Variants in KLHL29 observed in about 807,000 individuals in gnomAD.
KLHL29 encodes kelch-like protein 29.
KLHL29 carries 21 observed loss-of-function variants against 80.4 expected under a neutral mutation model. That is an observed-to-expected ratio of 0.26 (90% CI 0.19 to 0.38). The LOEUF (loss-of-function observed/expected upper bound fraction) is 0.38. Among genes scored for constraint, KLHL29 ranks in the 10% least tolerant of loss-of-function variants. KLHL29 has a pLI of 1.00. For synonymous variants in KLHL29, 511 were observed against 526.8 expected, an observed-to-expected ratio of 0.97 and a Z score of 0.41; for missense variants, 867 against 1,223.9, an observed-to-expected ratio of 0.71 and a Z score of 4.35.
chr2:23,520,998 C>CG (rs201296954), intron 2 of KLHL29, among the ~76,000 whole-genome samples: 25 of 151,606 alleles, frequency 1.6e-4, no homozygotes, highest in African/African-American at 3.7e-4. Context: ...GACCACCCCC[C>CG]CCCCCGCTCC....
intron 1 of KLHL29, among the ~76,000 whole-genome samples, chr2:23,408,437 C>T (rs539101955): frequency 1.3e-5 from 2 of 152,090 alleles, no homozygotes; most frequent in Admixed American, 6.5e-5. Context: ...CTTGCTCTCT[C>T]TGTGTTTATT....
chr2:23,659,010 C>T (rs750934907), intron 5 of KLHL29, among the ~76,000 whole-genome samples: 1 of 152,218 alleles, frequency 6.6e-6, no homozygotes, highest in Non-Finnish European at 1.5e-5. Context: ...CACCCAGCAT[C>T]TTGATGGTCT....
At chr2:23,549,177 C>T (rs905633809) in intron 2 of KLHL29, among the ~76,000 whole-genome samples, 10 of 152,210 alleles carry the variant, frequency 6.6e-5, no homozygotes, top group African/African-American at 2.4e-4. Flanking sequence ...AGGACCCCAG[C>T]GGGGTGTGGT....
intron 1 of KLHL29, among the ~76,000 whole-genome samples, chr2:23,414,750 G>A (rs921823772): frequency 2.0e-5 from 3 of 152,168 alleles, no homozygotes; most frequent in Non-Finnish European, 2.9e-5. Flanking sequence ...GATCCTTGCC[G>A]GTCTCAGACT....
chr2:23,469,832 C>T (rs927832416), intron 1 of KLHL29, among the ~76,000 whole-genome samples: 46 of 151,962 alleles, frequency 3.0e-4, no homozygotes, highest in Non-Finnish European at 6.6e-4. Context: ...CCAGTTGGCA[C>T]CTTTGGCTTC....
At chr2:23,558,402 A>G (rs1185394639) in intron 2 of KLHL29, among the ~76,000 whole-genome samples, 1 of 72,318 alleles carries the variant, frequency 1.4e-5, no homozygotes, top group Non-Finnish European at 2.8e-5. Context: ...ACTGTAAGAC[A>G]TTTTCTCTTT....
chr2:23,620,768 AGG>A (rs1669157413), intron 3 of KLHL29, among the ~76,000 whole-genome samples: 1 of 152,184 alleles, frequency 6.6e-6, no homozygotes, highest in Non-Finnish European at 1.5e-5. Context: ...GAGGTGGGAG[AGG>A]GAGGCAGGAG....
chr2:23,679,650 G>A (rs1302771955), intron 5 of KLHL29, among the ~76,000 whole-genome samples: 2 of 143,514 alleles, frequency 1.4e-5, no homozygotes, highest in African/African-American at 2.5e-5. Context: ...GCTGAGTGTC[G>A]AAGATAAAAA....
intron 2 of KLHL29, among the ~76,000 whole-genome samples, chr2:23,524,765 TTCATGGTGAGCAGAA>T (rs1666246727): frequency 6.6e-6 from 1 of 152,214 alleles, no homozygotes; most frequent in African/African-American, 2.4e-5. Flanking sequence ...TCTGAAGGAC[TTCATGGTGAGCAGAA>T]CACATTTGGT....
At chr2:23,407,199 GAA>G (rs1225943610) in intron 1 of KLHL29, among the ~76,000 whole-genome samples, 9 of 152,184 alleles carry the variant, frequency 5.9e-5, no homozygotes, top group Non-Finnish European at 1.3e-4. Flanking sequence ...AAATACTGAT[GAA>G]CAAATCTGTG....
chr2:23,626,853 G>C (rs1669322507), intron 3 of KLHL29, among the ~76,000 whole-genome samples: 1 of 152,208 alleles, frequency 6.6e-6, no homozygotes, highest in South Asian at 2.1e-4. Flanking sequence ...CTTGGCCTAG[G>C]CAGTCTGGGT....
At chr2:23,489,670 A>G (rs971252858) in intron 2 of KLHL29, among the ~76,000 whole-genome samples, 2 of 151,802 alleles carry the variant, frequency 1.3e-5, no homozygotes, top group Admixed American at 1.3e-4. Context: ...GGTGGTGGCA[A>G]GGCCCTTCCT....
chr2:23,488,914 G>A (rs1329518314), intron 2 of KLHL29, among the ~76,000 whole-genome samples: 2 of 152,224 alleles, frequency 1.3e-5, no homozygotes, highest in Non-Finnish European at 2.9e-5. Context: ...TCTGTATTAA[G>A]GGTCTTGCTT....
At chr2:23,436,280 TTGTGTGTG>T (rs57931176) in intron 1 of KLHL29, among the ~76,000 whole-genome samples, 15,661 of 136,932 alleles carry the variant, frequency 0.11, 855 homozygotes, top group Non-Finnish European at 0.12. Context: ...CCAATCAGCT[TTGTGTGTG>T]TGTGTGTGTG....
At chr2:23,638,560 C>A (rs1283271510) in intron 3 of KLHL29, among the ~76,000 whole-genome samples, 1 of 152,220 alleles carries the variant, frequency 6.6e-6, no homozygotes, top group Admixed American at 6.5e-5. Flanking sequence ...CAGCTCCCCA[C>A]TTCCCCACAC....
Position 23,680,743 on chromosome 2 carries a change from G to C in KLHL29, c.941-3656G>C, listed in dbSNP as rs191913464. 2.7e-4 allele frequency among the ~76,000 whole-genome samples: 38 copies of C among 142,586 alleles called. No individual in the cohort carries two copies. The highest frequency in any genetic ancestry group is 3.6e-3 in the Middle Eastern group (1 of 274). The allele number at this position is 142,586 out of a possible 152,430, so 93.5% of individuals were successfully genotyped here. ...GGTCTCTAGGCCATCTTCCCCTGGG[G>C]TCTCTAGGCCATCTTCTCCTGGGGT... On this transcript the variant is annotated intron_variant, in intron 5 of 13. Transcript: ENST00000486442. The surrounding 1 kb of genome is among the most constrained non-coding windows in gnomAD (Gnocchi z 4.1).
At chr2:23,627,671 G>A (rs535230796) in intron 3 of KLHL29, among the ~76,000 whole-genome samples, 8 of 152,158 alleles carry the variant, frequency 5.3e-5, no homozygotes, top group South Asian at 2.1e-4. Context: ...TGACTCTGCC[G>A]CGTCCCCTCT....
intron 2 of KLHL29, among the ~76,000 whole-genome samples, chr2:23,493,181 G>A (rs2103449479): frequency 6.6e-6 from 1 of 152,260 alleles, no homozygotes; most frequent in Admixed American, 6.5e-5. Context: ...ACCTGTTCTT[G>A]CAAATAGCAT....
At chr2:23,454,743 C>G (rs1169748026) in intron 1 of KLHL29, among the ~76,000 whole-genome samples, 1 of 152,000 alleles carries the variant, frequency 6.6e-6, no homozygotes, top group African/African-American at 2.4e-5. Context: ...TCTGTTCTTG[C>G]GTTTTTTTCT....
Sources: gnomAD v4.1 joint callset for allele counts (sites outside exome capture counted in the v4.1 genomes callset) on GRCh38, gnomAD v4.1.1 for gene constraint, Gnocchi (gnomAD v3.1) non-coding constraint, MANE v1.5 for transcripts, NCBI Gene and HGNC (gene_info 2026-07-23, HGNC 2026-07-21) for gene names.